LRRC75B: variants seen among roughly 807,000 people sequenced by gnomAD.
LRRC75B encodes the protein leucine-rich repeat-containing protein 75B.
A neutral mutation model predicts 16.5 loss-of-function variants in LRRC75B; 20 were observed. That is an observed-to-expected ratio of 1.21 (90% CI 0.85 to 1.76). The LOEUF is 1.76. Ranked by LOEUF, LRRC75B falls within the 40% of genes most tolerant of loss-of-function variation. The pLI is 0.00. For missense variants in LRRC75B, 406 were observed against 417.0 expected (o/e 0.97, Z 0.23); for synonymous variants, 199 against 198.1 (o/e 1.00, Z -0.04).
chr22:24,589,573 C>T, intron 2 of LRRC75B: 1 of 508,984 alleles, frequency 2.0e-6, no homozygotes, highest in Non-Finnish European at 3.2e-6. Context: ...GTGCACAGTG[C>T]TGCCACACAG....
intron 2 of LRRC75B, chr22:24,589,528 A>G (rs1279297519): frequency 4.4e-6 from 2 of 456,416 alleles, no homozygotes; most frequent in Non-Finnish European, 6.7e-6. Flanking sequence ...ACTTCTGCCC[A>G]GCTATAGTCT....
rs202087061 is a variant in LRRC75B, at chr22:24,589,892, G to C, written c.235C>G (p.Leu79Val). Residue 79 changes from leucine (L) to valine (V), a missense_variant, in exon 2 of 4, where the codon CTC (leucine) becomes GTC (valine). Leu to Val is a conservative substitution (Grantham distance 32, BLOSUM62 1). Transcript: ENST00000318753. ...PDILYRDVAF[L>V]NPVDPISHDL... The stretch of plus-strand genomic sequence containing the variant: ...TGGGAGATGGGGTCGACCGGGTTGA[G>C]GAAGGCCACATCTCTGTAGAGGATA... 1,141 of 1,613,720 alleles carry C rather than the reference G, an allele frequency of 7.1e-4. 1 individual carries two copies. The highest frequency in any genetic ancestry group is 8.5e-4 in the Non-Finnish European group (1,004 of 1,179,808).
chr22:24,592,745 T>G (rs1221330628), intron 1 of LRRC75B, 118 bp downstream of exon 1: 3 of 1,285,796 alleles, frequency 2.3e-6, no homozygotes, highest in Non-Finnish European at 3.0e-6. Flanking sequence ...AGAGACCAGC[T>G]CCGCCTCGCC....
At chr22:24,588,927 G>C in intron 2 of LRRC75B, 1 of 1,003,152 alleles carries the variant, frequency 1.0e-6, no homozygotes, top group Non-Finnish European at 1.2e-6. Context: ...GGAATCCGAG[G>C]TGCGCGGCCC....
chr22:24,591,934 A>C (rs934731401), intron 1 of LRRC75B, among the ~76,000 whole-genome samples: 1 of 152,194 alleles, frequency 6.6e-6, no homozygotes, highest in Non-Finnish European at 1.5e-5. Flanking sequence ...GAGGTGGAGA[A>C]GGGAAGGGAG....
At position 24,586,376 on chromosome 22, in the gene LRRC75B, C is replaced by T. The variant is rs1201061340; in HGVS notation, c.458G>A (p.Gly153Glu). 2.5e-6 allele frequency: 4 copies of T among 1,613,538 alleles called. No homozygotes were observed. In the African/African-American group the frequency reaches 5.3e-5, roughly 22 times the overall value. ...GATGCCTGAGAGGTCCACAGTCTCC[C>T]CTGCCAGCAGAGTCTTCTGGAGGCT... ...KSSLQKTLLA[G>E]ETVDLSGIPL... The change falls in exon 4 of 4, where the codon GGG becomes GAG. Residue 153 changes from glycine (G) to glutamate (E), a missense_variant. Coordinates refer to ENST00000318753, the MANE Select transcript of LRRC75B (RefSeq NM_207644.3).
chr22:24,588,578 C>T (rs2045471746), intron 2 of LRRC75B: 1 of 891,820 alleles, frequency 1.1e-6, no homozygotes. Context: ...CGGGAGGAAG[C>T]CCAGACAATG....
chr22:24,588,659 A>C, intron 2 of LRRC75B: 1 of 1,138,316 alleles, frequency 8.8e-7, no homozygotes, highest in South Asian at 2.3e-5. Flanking sequence ...GCCCACCCTC[A>C]GCACCCTTCG....
chr22:24,586,469 C>T, intron 3 of LRRC75B, 58 bp from the exon 4 acceptor site: 2 of 1,532,240 alleles, frequency 1.3e-6, no homozygotes, highest in Non-Finnish European at 1.8e-6. Flanking sequence ...CCCCACTGAC[C>T]ACAGACAGTG....
Position 24,592,972 on chromosome 22 carries a change from C to T in LRRC75B, c.68G>A (p.Cys23Tyr), listed in dbSNP as rs1203655391. 4.3e-6 allele frequency: 5 copies of T among 1,174,440 alleles called. No homozygotes were observed. Among genetic ancestry groups the T allele is most frequent in the Non-Finnish European group, 5.3e-6 (5 of 950,828 alleles). The allele number at this position is 1,174,440 out of a possible 1,614,324, so 72.8% of individuals were successfully genotyped here. A position where few individuals can be genotyped will look rare whatever the true frequency, so the allele number is the denominator to read the frequency against. The change falls in exon 1 of 4, where the codon TGC becomes TAC. Residue 23 changes from cysteine (C) to tyrosine (Y), a missense_variant. Physicochemically the swap from Cys to Tyr is radical, Grantham distance 194 (BLOSUM62 -2). Transcript: ENST00000318753. ...AGSEAGAAAG[C>Y]GPAPYERRVR... Reference sequence around the variant, plus strand: ...CCGGCGCTCGTAGGGCGCGGGCCCGCAGCCGGCCGCCGCCCCGGCCTCAGA... The same window carrying T: ...CCGGCGCTCGTAGGGCGCGGGCCCGTAGCCGGCCGCCGCCCCGGCCTCAGA...
In LRRC75B at chr22:24,589,764, G is replaced by C. The variant is rs950513476; in HGVS notation, c.306+57C>G. 1.3e-4 allele frequency: 193 copies of C among 1,517,558 alleles called. 1 individual carries two copies. The highest frequency in any genetic ancestry group is 8.0e-4 in the Admixed American group (34 of 42,734). The allele number at this position is 1,517,558 out of a possible 1,614,324, so 94.0% of individuals were successfully genotyped here. On this transcript the variant is annotated intron_variant, in intron 2 of 3. Transcript: ENST00000318753. ...CTCCCAGTCCCCAGCCCTGGGCTCT[G>C]TTGGCCCCCCTGTCCACCACAGTGC...
Position 24,592,970 on chromosome 22 carries a change from C to G in LRRC75B, c.70G>C (p.Gly24Arg). ...ACCCGGCGCTCGTAGGGCGCGGGCCCGCAGCCGGCCGCCGCCCCGGCCTCA... is the reference window on the plus strand; with the variant it reads ...ACCCGGCGCTCGTAGGGCGCGGGCCGGCAGCCGGCCGCCGCCCCGGCCTCA... ...GSEAGAAAGC[G>R]PAPYERRVRW... is the part of the protein sequence containing the mutation. Residue 24 changes from glycine to arginine, a missense_variant, in exon 1 of 4, where the codon GGG becomes CGG. By Grantham distance (125) the Gly-to-Arg change is moderately radical. Transcript: ENST00000318753. 1 of 1,174,068 alleles carries G rather than the reference C, an allele frequency of 8.5e-7. No homozygotes were observed. The highest frequency in any genetic ancestry group is 1.1e-6 in the Non-Finnish European group (1 of 950,574). The allele number at this position is 1,174,068 out of a possible 1,614,324, so 72.7% of individuals were successfully genotyped here. A position where few individuals can be genotyped will look rare whatever the true frequency, so the allele number is the denominator to read the frequency against.
chr22:24,585,768 G>T lies in LRRC75B; in HGVS notation c.*118C>A. On this transcript the variant is annotated 3_prime_UTR_variant, in exon 4 of 4. Transcript: ENST00000318753. ...CCATTCTTCTGTCCCCTTAATCTCAGGCTGAGCATTTACACTGGATTTCTG... is the reference window on the plus strand; with the variant it reads ...CCATTCTTCTGTCCCCTTAATCTCATGCTGAGCATTTACACTGGATTTCTG... 2 of 1,092,158 alleles carry T rather than the reference G, an allele frequency of 1.8e-6. No homozygotes were observed. Among genetic ancestry groups the T allele is most frequent in the Non-Finnish European group, 2.5e-6 (2 of 784,448 alleles). The allele number at this position is 1,092,158 out of a possible 1,614,324, so 67.7% of individuals were successfully genotyped here.
chr22:24,589,484 C>G, intron 2 of LRRC75B: 3 of 625,888 alleles, frequency 4.8e-6, no homozygotes, highest in Non-Finnish European at 6.5e-6. Flanking sequence ...GTGGATTTCT[C>G]AGAACAGTCT....
Position 24,585,886 on chromosome 22 carries a change from T to C in LRRC75B, c.948A>G (p.Ter316TrpextTer10), listed in dbSNP as rs2045377914. ...AGCAATGAGCCAGGTGGGTGGTGGG[T>C]CACCTGGCACAGCAGGCCTGGGGCT... Reference protein sequence around the residue: ...GPEPQACCAR* With the variant: ...GPEPQACCARW The change falls in exon 4 of 4, where the codon TGA becomes TGG. Residue 316 changes from the stop codon to tryptophan (W), a stop_lost. Transcript: ENST00000318753. 7 of 1,577,138 alleles carry C rather than the reference T, an allele frequency of 4.4e-6. No homozygotes were observed. Among genetic ancestry groups the C allele is most frequent in the Non-Finnish European group, 6.0e-6 (7 of 1,163,066 alleles).
chr22:24,587,447 C>T (rs1201026415), intron 3 of LRRC75B, among the ~76,000 whole-genome samples: 3 of 152,238 alleles, frequency 2.0e-5, no homozygotes, highest in Admixed American at 6.5e-5. Context: ...CCTCAGGACC[C>T]CCACCAGCCA....
In LRRC75B at chr22:24,592,908, C is replaced by T. The variant is rs530009323; in HGVS notation, c.132G>A (p.Glu44=). ...WLREIQSTLR[E]RRPERARQLL... Reference sequence around the variant, plus strand: ...GCTGCCGGGCGCGCTCCGGCCGCCGCTCGCGGAGCGTGGACTGGATCTCGC... The same window carrying T: ...GCTGCCGGGCGCGCTCCGGCCGCCGTTCGCGGAGCGTGGACTGGATCTCGC... Residue 44 remains glutamate (E), a synonymous_variant, in exon 1 of 4, where the codon GAG becomes GAA. Coordinates refer to ENST00000318753, the MANE Select transcript of LRRC75B (RefSeq NM_207644.3). The T allele has an allele frequency of 9.6e-5, 123 of 1,280,056 alleles. 1 individual carries two copies. The East Asian group carries it at 3.5e-3, about 36-fold the overall frequency. The allele number at this position is 1,280,056 out of a possible 1,614,324, so 79.3% of individuals were successfully genotyped here.
At position 24,589,820 on chromosome 22, in the gene LRRC75B, C is replaced by T. The variant is rs774379866; in HGVS notation, c.306+1G>A. 1 of 1,611,912 alleles carries T rather than the reference C, an allele frequency of 6.2e-7. No homozygotes were observed. Among genetic ancestry groups the T allele is most frequent in the Non-Finnish European group, 8.5e-7 (1 of 1,179,266 alleles). Reference sequence around the variant, plus strand: ...CCAGGGCCCGTGCCTGCCAGCCTCACCTTCTTGGGGCACTGCAGGTCCCGG... The same window carrying T: ...CCAGGGCCCGTGCCTGCCAGCCTCATCTTCTTGGGGCACTGCAGGTCCCGG... On this transcript the variant is annotated splice_donor_variant, in intron 2 of 3. Transcript: ENST00000318753. LOFTEE classifies it high-confidence loss of function.
intron 1 of LRRC75B, chr22:24,592,139 G>A (rs1366190759): frequency 2.6e-6 from 1 of 383,118 alleles, no homozygotes; most frequent in Non-Finnish European, 5.3e-6. Flanking sequence ...GGGGTGGTGA[G>A]GGAAGTGGCA....
Sources: allele counts gnomAD v4.1 joint callset (sites outside exome capture counted in the v4.1 genomes callset), GRCh38; gene constraint gnomAD v4.1.1; transcripts MANE v1.5; gene names NCBI Gene and HGNC (gene_info 2026-07-23, HGNC 2026-07-21).